Variants in PFKL observed in about 807,000 individuals in gnomAD.
PFKL encodes the protein phosphofructokinase, liver type, also known as ATP-dependent 6-phosphofructokinase, liver type.
In PFKL, 74 loss-of-function variants were observed where a neutral mutation model predicts 92.1. That is an observed-to-expected ratio of 0.80 (90% confidence interval 0.67 to 0.97). The LOEUF is 0.97. Among genes scored for constraint, PFKL ranks in the 50% least tolerant of loss-of-function variants. PFKL has a pLI of 0.00. For missense variants in PFKL, 1,028 were observed against 1,116.6 expected (o/e 0.92, Z 1.13); for synonymous variants, 494 against 456.4 (o/e 1.08, Z -1.05).
chr21:44,313,359 G>A lies in PFKL; in HGVS notation c.593+216G>A, dbSNP rs61650656. On this transcript the variant is annotated intron_variant, in intron 5 of 21. Transcript: ENST00000349048. ...GGCCTTTGTGCAGCCCCTTCTGAGG[G>A]GCAGCTGCTTGCCCTGGGGTGTGAC... is the stretch of plus-strand genomic sequence containing the variant. Among the ~76,000 whole-genome samples, 14 of 152,380 alleles carry A rather than the reference G, an allele frequency of 9.2e-5. No individual in the cohort carries two copies. The East Asian group carries it at 2.7e-3, about 29-fold the overall frequency.
In PFKL at chr21:44,326,280, G is replaced by T. The variant is rs1451636138; in HGVS notation, c.2195+16G>T. ...CTGATTTCGAGTGAGTTCCACCAAA[G>T]CCTCGTGGAGGCGGGTGGGGCTGAG... On this transcript the variant is annotated intron_variant, in intron 21 of 21. Coordinates refer to ENST00000349048, the MANE Select transcript of PFKL (RefSeq NM_002626.6). 1 of 1,574,688 alleles carries T rather than the reference G, an allele frequency of 6.4e-7. No individual in the cohort carries two copies. The highest frequency in any genetic ancestry group is 8.7e-7 in the Non-Finnish European group (1 of 1,148,340).
intron 1 of PFKL, chr21:44,304,523 G>C (rs922461752): frequency 8.8e-6 from 10 of 1,140,570 alleles, no homozygotes; most frequent in South Asian, 5.3e-5. Flanking sequence ...GCTTAGCTTC[G>C]GCCAGCTGTG....
chr21:44,303,441 A>AAAAAAAAAAAAAAAAACTTGATCG (rs1555874972), intron 1 of PFKL, among the ~76,000 whole-genome samples: 2 of 97,096 alleles, frequency 2.1e-5, no homozygotes, highest in African/African-American at 1.1e-4. Flanking sequence ...ACCAAAAAAA[A>AAAAAAAAAAAAAAAAACTTGATCG]AAAAAAAAAA....
At chr21:44,313,330 G>A (rs575290755) in intron 5 of PFKL, among the ~76,000 whole-genome samples, 187 bp downstream of exon 5, 4 of 152,306 alleles carry the variant, frequency 2.6e-5, no homozygotes, top group Admixed American at 6.5e-5. Flanking sequence ...GCCAGGCCGC[G>A]GGGGGCCTTT....
Position 44,324,877 on chromosome 21 carries a change from G to A in PFKL, c.1837G>A (p.Glu613Lys). ...DLKVNVEHMT[E>K]KMKTDIQRGL... ...GCAGGTCAACGTGGAGCACATGACG[G>A]AGAAGATGAAGACAGACATTCAGAG... The change falls in exon 18 of 22, where the codon GAG (glutamate) becomes AAG (lysine). Residue 613 changes from glutamate (E) to lysine (K), a missense_variant. By Grantham distance (56) the Glu-to-Lys change is moderately conservative. Transcript: ENST00000349048. 1 of 1,609,178 alleles carries A rather than the reference G, an allele frequency of 6.2e-7. No individual in the cohort carries two copies. Among genetic ancestry groups the A allele is most frequent in the Non-Finnish European group, 8.5e-7 (1 of 1,178,032 alleles).
Position 44,326,913 on chromosome 21 carries a change from G to A in PFKL, c.*51G>A, listed in dbSNP as rs766371851. On this transcript the variant is annotated 3_prime_UTR_variant, in exon 22 of 22. Coordinates refer to ENST00000349048, the MANE Select transcript of PFKL (RefSeq NM_002626.6). ...CAGCCCCCACCCATGCCAGCGCAGC[G>A]CCAGGGCTCAGATGGGGCCTGGGCT... is the stretch of plus-strand genomic sequence containing the variant. 1.5e-5 allele frequency: 23 copies of A among 1,527,748 alleles called. No individual in the cohort carries two copies. Among genetic ancestry groups the A allele is most frequent in the South Asian group, 1.1e-4 (9 of 85,050 alleles). 94.6% of individuals were successfully genotyped at this position (1,527,748 alleles called of 1,614,324 possible). A position where few individuals can be genotyped will look rare whatever the true frequency, so the allele number is the denominator to read the frequency against.
intron 1 of PFKL, chr21:44,305,488 G>A: frequency 2.4e-6 from 3 of 1,251,210 alleles, no homozygotes; most frequent in Non-Finnish European, 3.2e-6. Flanking sequence ...ACGAGGCTTG[G>A]GGACAGAGGA....
At position 44,322,000 on chromosome 21, in the gene PFKL, C is replaced by T. The variant is rs561695483; in HGVS notation, c.1338+125C>T. ...ACCTGGGTCCGCGTGTCGGTGCCCA[C>T]CCGGGCCTGGGTACTCAGCTCTGCC... On this transcript the variant is annotated intron_variant, in intron 13 of 21. Transcript: ENST00000349048. The T allele has an allele frequency of 1.2e-5, 17 of 1,437,522 alleles. No homozygotes were observed. The South Asian group carries it at 1.8e-4, about 15-fold the overall frequency. The allele number at this position is 1,437,522 out of a possible 1,614,324, so 89.0% of individuals were successfully genotyped here.
At chr21:44,313,549 C>A in intron 5 of PFKL, 89 bp from the exon 6 acceptor site, 2 of 1,278,118 alleles carry the variant, frequency 1.6e-6, no homozygotes, top group Non-Finnish European at 2.2e-6. Context: ...GCCTCTCCAT[C>A]CACTGGGTCC....
chr21:44,306,962 C>T (rs999004072), intron 2 of PFKL, among the ~76,000 whole-genome samples: 8 of 152,188 alleles, frequency 5.3e-5, no homozygotes, highest in Non-Finnish European at 1.0e-4. Flanking sequence ...TGGGACTCAG[C>T]CCGGCTGGAG....
At chr21:44,325,010 G>A (rs1174729241) in intron 18 of PFKL, 93 bp downstream of exon 18, 10 of 1,315,850 alleles carry the variant, frequency 7.6e-6, no homozygotes, top group Admixed American at 3.9e-5. Flanking sequence ...GGAGAAGGCA[G>A]GAGGGGTCCT....
chr21:44,321,782 T>C lies in PFKL; in HGVS notation c.1245T>C (p.Asn415=). 6.2e-7 allele frequency: 1 copy of C among 1,600,320 alleles called. No homozygotes were observed. ...LNVGAPAAGM[N]AAVRSAVRTG... is the part of the protein sequence containing the mutation. ...TGGGGGCCCCGGCGGCTGGCATGAA[T>C]GCGGCCGTGCGCTCGGCGGTGCGGA... Residue 415 remains asparagine, a synonymous_variant, in exon 13 of 22, where the codon AAT becomes AAC. Coordinates refer to ENST00000349048, the MANE Select transcript of PFKL (RefSeq NM_002626.6).
In PFKL at chr21:44,322,118, A is replaced by T. The variant is rs531135307; in HGVS notation, c.1339-15A>T. ...GGCTCAGGCTGGCCCCTGAAGCTGC[A>T]TCTCCTCCTGGCAGGTGCAAGAAGT... On this transcript the variant is annotated splice_polypyrimidine_tract_variant and intron_variant, in intron 13 of 21. Transcript: ENST00000349048. 1.9e-6 allele frequency: 3 copies of T among 1,600,576 alleles called. No individual in the cohort carries two copies. In the South Asian group the frequency reaches 3.3e-5, roughly 18 times the overall value.
At chr21:44,313,878 G>A (rs894203490) in intron 6 of PFKL, 35 bp from the exon 7 acceptor site, 2 of 1,505,732 alleles carry the variant, frequency 1.3e-6, no homozygotes, top group Non-Finnish European at 1.8e-6. Flanking sequence ...ACGGCTGGGT[G>A]GGGGTCCTGA....
chr21:44,313,658 T>A lies in PFKL; in HGVS notation c.614T>A (p.Leu205Gln). 6.2e-7 allele frequency: 1 copy of A among 1,612,348 alleles called. No individual in the cohort carries two copies. The highest frequency in any genetic ancestry group is 8.5e-7 in the Non-Finnish European group (1 of 1,179,630). ...TAQSHQRTFV[L>Q]EVMGRHCGYL... ...CACAGCCACCAGAGGACCTTCGTGC[T>A]GGAAGTGATGGGCCGGCACTGCGGG... is the stretch of plus-strand genomic sequence containing the variant. Residue 205 changes from leucine to glutamine, a missense_variant, in exon 6 of 22, where the codon CTG (leucine) becomes CAG (glutamine). By Grantham distance (113) the Leu-to-Gln change is moderately radical. Coordinates refer to ENST00000349048, the MANE Select transcript of PFKL (RefSeq NM_002626.6).
intron 1 of PFKL, among the ~76,000 whole-genome samples, chr21:44,303,441 A>AAAAAAAAACCTGATCG (rs1555874961): frequency 1.0e-5 from 1 of 97,096 alleles, no homozygotes; most frequent in African/African-American, 5.3e-5. Flanking sequence ...ACCAAAAAAA[A>AAAAAAAAACCTGATCG]AAAAAAAAAA....
chr21:44,301,689 T>A (rs1328806076), intron 1 of PFKL, among the ~76,000 whole-genome samples: 1 of 152,062 alleles, frequency 6.6e-6, no homozygotes, highest in Non-Finnish European at 1.5e-5. Context: ...GACAGGTTGC[T>A]GTGGGGCCAG....
chr21:44,301,717 G>A (rs969775812), intron 1 of PFKL, among the ~76,000 whole-genome samples: 12 of 152,170 alleles, frequency 7.9e-5, no homozygotes, highest in Non-Finnish European at 1.8e-4. Context: ...GCCCACCAGG[G>A]AGGCGCTTTC....
intron 10 of PFKL, 120 bp downstream of exon 10, chr21:44,318,715 C>G (rs966408313): frequency 2.3e-6 from 2 of 868,830 alleles, no homozygotes; most frequent in African/African-American, 1.7e-5. Context: ...GGCCTCGTGG[C>G]TGGCCCAGGG....
Sources: allele counts gnomAD v4.1 joint callset (sites outside exome capture counted in the v4.1 genomes callset), GRCh38; gene constraint gnomAD v4.1.1; transcripts MANE v1.5; gene names NCBI Gene and HGNC (gene_info 2026-07-23, HGNC 2026-07-21).